Variants in GAB2 observed in about 807,000 individuals in gnomAD.
The protein encoded by GAB2 is GRB2-associated-binding protein 2.
A neutral mutation model predicts 65.5 loss-of-function variants in GAB2; 26 were observed. The observed-to-expected ratio is 0.40, with a 90% CI of 0.29 to 0.55. The LOEUF (loss-of-function observed/expected upper bound fraction) is 0.55, where lower values mean the gene tolerates loss of function less well. GAB2 is among the 20% of genes least tolerant of loss of function. The probability of loss-of-function intolerance (pLI) is 0.53; values close to 1 mark genes in which losing one functional copy is unlikely to be tolerated. For missense variants in GAB2, 884 were observed against 875.8 expected (o/e 1.01, Z -0.12); for synonymous variants, 321 against 329.6 (o/e 0.97, Z 0.28).
At chr11:78,378,261 A>C (rs1856655933) in intron 1 of GAB2, among the ~76,000 whole-genome samples, 1 of 152,210 alleles carries the variant, frequency 6.6e-6, no homozygotes, top group African/African-American at 2.4e-5. Flanking sequence ...AAAGAAAGCC[A>C]AACACAGACA....
chr11:78,276,618 G>T (rs1386041741), intron 2 of GAB2, among the ~76,000 whole-genome samples: 1 of 151,986 alleles, frequency 6.6e-6, no homozygotes, highest in African/African-American at 2.4e-5. Context: ...AGCCTCATTG[G>T]TTATGACAGG....
intron 1 of GAB2, 117 bp downstream of exon 1, chr11:78,417,529 C>T (rs1057408513): frequency 2.7e-6 from 1 of 369,644 alleles, no homozygotes; most frequent in Non-Finnish European, 4.0e-6. Flanking sequence ...TCGCCCCCGG[C>T]CCCCCGCGGC....
At chr11:78,236,767 C>A (rs1405736721) in intron 3 of GAB2, among the ~76,000 whole-genome samples, 1 of 38,038 alleles carries the variant, frequency 2.6e-5, no homozygotes, top group South Asian at 1.2e-3. Flanking sequence ...TAATGAATTA[C>A]TTTGATTGTT....
intron 1 of GAB2, among the ~76,000 whole-genome samples, chr11:78,301,055 G>C (rs1867004879): frequency 6.6e-6 from 1 of 152,018 alleles, no homozygotes; most frequent in African/African-American, 2.4e-5. Flanking sequence ...CTTTCCATGT[G>C]TTTAGTTGTC....
chr11:78,325,383 C>T (rs888622856), intron 1 of GAB2, among the ~76,000 whole-genome samples: 9 of 152,138 alleles, frequency 5.9e-5, no homozygotes, highest in Admixed American at 2.6e-4. Flanking sequence ...AGTGATTTGC[C>T]TGAAGCCACA....
intron 1 of GAB2, among the ~76,000 whole-genome samples, chr11:78,362,987 T>C (rs1285445681): frequency 6.6e-6 from 1 of 152,182 alleles, no homozygotes; most frequent in Non-Finnish European, 1.5e-5. Flanking sequence ...TTGCCATTAC[T>C]ATAAGTAGAA....
chr11:78,276,111 C>CAA (rs539148797), intron 2 of GAB2, among the ~76,000 whole-genome samples: 1,698 of 97,318 alleles, frequency 0.017, 48 homozygotes, highest in African/African-American at 0.059. Context: ...AAGACTGTCT[C>CAA]AAAAAAAAAA....
At chr11:78,386,176 T>C (rs1856763503) in intron 1 of GAB2, among the ~76,000 whole-genome samples, 3 of 152,204 alleles carry the variant, frequency 2.0e-5, no homozygotes, top group Non-Finnish European at 4.4e-5. Context: ...GCTATCATTC[T>C]ATCTATGTGA....
At chr11:78,370,251 C>T (rs1194638209) in intron 1 of GAB2, among the ~76,000 whole-genome samples, 3 of 76,030 alleles carry the variant, frequency 3.9e-5, no homozygotes, top group Admixed American at 1.4e-4. Context: ...AGCGAGACTC[C>T]GTCTCAAAAA....
At chr11:78,253,510 T>A (rs1335180695) in intron 2 of GAB2, among the ~76,000 whole-genome samples, 1 of 152,138 alleles carries the variant, frequency 6.6e-6, no homozygotes, top group East Asian at 1.9e-4. Context: ...CCCAGGCTAG[T>A]CTTGAACTTC....
At chr11:78,320,716 A>C (rs1404070336) in intron 1 of GAB2, among the ~76,000 whole-genome samples, 1 of 140,802 alleles carries the variant, frequency 7.1e-6, no homozygotes, top group Non-Finnish European at 1.5e-5. Context: ...ACACCTGGAT[A>C]ATTTTTGCCT....
chr11:78,330,093 T>C (rs1332509407), intron 1 of GAB2, among the ~76,000 whole-genome samples: 2 of 152,220 alleles, frequency 1.3e-5, no homozygotes, highest in Non-Finnish European at 2.9e-5. Flanking sequence ...GGCAGGTTCA[T>C]TAGTAGCTTC....
At chr11:78,246,002 A>G (rs978438569) in intron 3 of GAB2, among the ~76,000 whole-genome samples, 1 of 150,002 alleles carries the variant, frequency 6.7e-6, no homozygotes, top group African/African-American at 2.5e-5. Flanking sequence ...CTGGAGTGCA[A>G]TGGCGCAACC....
At chr11:78,265,317 T>G (rs1865848173) in intron 2 of GAB2, among the ~76,000 whole-genome samples, 1 of 152,034 alleles carries the variant, frequency 6.6e-6, no homozygotes, top group African/African-American at 2.4e-5. Context: ...AACTTCGATT[T>G]TAATTCTAGC....
chr11:78,331,473 C>A (rs961586732), intron 1 of GAB2, among the ~76,000 whole-genome samples: 6 of 152,082 alleles, frequency 3.9e-5, no homozygotes, highest in African/African-American at 1.2e-4. Flanking sequence ...TCTCGATCTT[C>A]TGACCTCCTG....
intron 1 of GAB2, among the ~76,000 whole-genome samples, chr11:78,393,775 CTTAT>C (rs529068279): frequency 2.5e-4 from 38 of 152,176 alleles, no homozygotes; most frequent in Non-Finnish European, 5.4e-4. Flanking sequence ...ACAGTTACCA[CTTAT>C]TTATAGAGTG....
chr11:78,357,583 C>A (rs1207845528), intron 1 of GAB2, among the ~76,000 whole-genome samples: 3 of 152,148 alleles, frequency 2.0e-5, no homozygotes, highest in South Asian at 2.1e-4. Context: ...AAACAAACAA[C>A]CCCATCAAAA....
rs34961678 is a variant in GAB2 at position 78,250,348 on chromosome 11, A to C, written c.429T>G (p.Ala143=). The C allele has an allele frequency of 1.9e-6, 3 of 1,613,502 alleles. No individual in the cohort carries two copies. The highest frequency in any genetic ancestry group is 1.7e-6 in the Non-Finnish European group (2 of 1,179,698). The part of the protein sequence containing the change: ...SAGHGPRSSP[A]ELSSSSQHLL... ...GGTGCTGGCTAGAGCTGCTGAGCTCAGCTGGAGAAGAGCGGGGGCCATGAC... is the reference window on the plus strand; with the variant it reads ...GGTGCTGGCTAGAGCTGCTGAGCTCCGCTGGAGAAGAGCGGGGGCCATGAC... The change falls in exon 3 of 10, where the codon GCT becomes GCG. Residue 143 remains alanine, a synonymous_variant. Coordinates refer to ENST00000361507, the MANE Select transcript of GAB2 (RefSeq NM_080491.3).
chr11:78,239,019 G>C (rs1267789417), intron 3 of GAB2, among the ~76,000 whole-genome samples: 2 of 151,638 alleles, frequency 1.3e-5, no homozygotes, highest in African/African-American at 4.8e-5. Context: ...CGCATGAAAA[G>C]TTGCTCAACA....
Sources: allele counts gnomAD v4.1 joint callset (sites outside exome capture counted in the v4.1 genomes callset), GRCh38; gene constraint gnomAD v4.1.1; transcripts MANE v1.5; gene names NCBI Gene and HGNC (gene_info 2026-07-23, HGNC 2026-07-21).